Variants in MTUS2 observed in about 807,000 individuals in gnomAD.
MTUS2 encodes the protein microtubule-associated tumor suppressor candidate 2.
In MTUS2, 40 loss-of-function variants were observed where a neutral mutation model predicts 114.1. The ratio of observed to expected loss-of-function variants is 0.35; its 90% confidence interval spans 0.27 to 0.46. The LOEUF is 0.46. MTUS2 is among the 20% of genes least tolerant of loss of function. The pLI is 1.00. For missense variants in MTUS2, 1,679 were observed against 1,705.4 expected, an observed-to-expected ratio of 0.98 and a Z score of 0.27; for synonymous variants, 688 against 672.0, an observed-to-expected ratio of 1.02 and a Z score of -0.37.
intron 5 of MTUS2, among the ~76,000 whole-genome samples, chr13:29,120,586 A>C (rs1891267751): frequency 6.6e-6 from 1 of 152,144 alleles, no homozygotes; most frequent in Admixed American, 6.5e-5. Context: ...GAAAAGAAAA[A>C]AGAATTTTTT....
intron 5 of MTUS2, among the ~76,000 whole-genome samples, chr13:29,219,459 A>C (rs908424167): frequency 8.5e-5 from 13 of 152,048 alleles, no homozygotes; most frequent in African/African-American, 3.1e-4. Flanking sequence ...TTATAGCAGC[A>C]TGATTTATAG....
intron 2 of MTUS2, among the ~76,000 whole-genome samples, chr13:28,975,144 A>T (rs1293100705): frequency 6.6e-6 from 1 of 152,234 alleles, no homozygotes; most frequent in Admixed American, 6.5e-5. Flanking sequence ...AGGCAGCCCG[A>T]TTGGATCCAT....
intron 2 of MTUS2, among the ~76,000 whole-genome samples, chr13:28,882,794 C>A (rs1370839194): frequency 6.6e-6 from 1 of 151,606 alleles, no homozygotes; most frequent in Non-Finnish European, 1.5e-5. Flanking sequence ...CAAAAGACGT[C>A]ATAAAAAAAT....
chr13:29,160,769 C>CA (rs71090227), intron 5 of MTUS2, among the ~76,000 whole-genome samples: 1,565 of 118,956 alleles, frequency 0.013, 12 homozygotes, highest in South Asian at 0.033. Flanking sequence ...GACTCCGTCT[C>CA]AAAAAAAAAA....
intron 8 of MTUS2, among the ~76,000 whole-genome samples, chr13:29,432,963 G>A (rs1166315137): frequency 6.6e-6 from 1 of 152,230 alleles, no homozygotes; most frequent in Non-Finnish European, 1.5e-5. Flanking sequence ...ATTAGAGGAA[G>A]ATAGAATCCA....
chr13:29,181,810 G>C (rs904329049), intron 5 of MTUS2, among the ~76,000 whole-genome samples: 1 of 151,864 alleles, frequency 6.6e-6, no homozygotes, highest in African/African-American at 2.4e-5. Flanking sequence ...GTGTGTGTGT[G>C]TGTGTGTGTG....
chr13:29,434,899 C>G (rs147431815), intron 8 of MTUS2, among the ~76,000 whole-genome samples: 17 of 152,290 alleles, frequency 1.1e-4, no homozygotes, highest in Non-Finnish European at 2.1e-4. Context: ...AATATCCCCG[C>G]GAGTTTGCAA....
rs571668679 is a variant in MTUS2 at position 29,195,193 on chromosome 13, T to C, written c.2645-86511T>C. On this transcript the variant is annotated intron_variant, in intron 5 of 15. Coordinates refer to ENST00000612955, the MANE Select transcript of MTUS2 (RefSeq NM_001033602.4). Reference sequence around the variant, plus strand: ...CACCAGCATGGCACATGTATACATATGTAACTAACCTGCACATTGTGCACA... The same window carrying C: ...CACCAGCATGGCACATGTATACATACGTAACTAACCTGCACATTGTGCACA... Among the ~76,000 whole-genome samples the C allele has an allele frequency of 6.7e-3, 1,014 of 151,428 alleles. 12 individuals carry two copies. Among genetic ancestry groups the C allele is most frequent in the African/African-American group, 0.023 (938 of 41,316 alleles).
At chr13:28,954,150 T>C (rs904062931) in intron 2 of MTUS2, among the ~76,000 whole-genome samples, 7 of 152,146 alleles carry the variant, frequency 4.6e-5, no homozygotes, top group Non-Finnish European at 7.4e-5. Context: ...ATTTGCAGAG[T>C]GTGTTCATTT....
chr13:29,087,571 T>G (rs562997116), intron 4 of MTUS2, among the ~76,000 whole-genome samples: 7 of 152,236 alleles, frequency 4.6e-5, no homozygotes, highest in Non-Finnish European at 8.8e-5. Flanking sequence ...TCTTTTTTCA[T>G]GTGTCTCTGT....
At chr13:29,266,527 A>G (rs932975292) in intron 5 of MTUS2, among the ~76,000 whole-genome samples, 2 of 152,148 alleles carry the variant, frequency 1.3e-5, no homozygotes, top group African/African-American at 2.4e-5. Flanking sequence ...CCCCCCACAC[A>G]CCAAATAAAA....
chr13:29,499,176 A>G (rs1882735829), intron 14 of MTUS2, among the ~76,000 whole-genome samples: 1 of 152,192 alleles, frequency 6.6e-6, no homozygotes, highest in Admixed American at 6.5e-5. Flanking sequence ...TTCAGTCCAG[A>G]ACAGAGTCCT....
chr13:29,465,067 T>C (rs971425411), intron 9 of MTUS2, among the ~76,000 whole-genome samples: 4 of 152,178 alleles, frequency 2.6e-5, no homozygotes, highest in Admixed American at 6.5e-5. Context: ...TCACACCTAC[T>C]TCACAGAACT....
At chr13:29,408,166 C>A (rs754846562) in intron 8 of MTUS2, among the ~76,000 whole-genome samples, 10 of 151,926 alleles carry the variant, frequency 6.6e-5, no homozygotes, top group Non-Finnish European at 1.3e-4. Context: ...AACTAAACTT[C>A]TAATTTTAAC....
intron 6 of MTUS2, among the ~76,000 whole-genome samples, chr13:29,304,977 A>T (rs771049845): frequency 2.6e-5 from 4 of 152,232 alleles, no homozygotes; most frequent in Admixed American, 6.5e-5. Flanking sequence ...TTCAAGATTA[A>T]GAAACTCACT....
rs544825670 is a variant in MTUS2, at chr13:29,069,971, C to A, written c.2447-30802C>A. Among the ~76,000 whole-genome samples, 3 of 152,288 alleles carry A rather than the reference C, an allele frequency of 2.0e-5. No homozygotes were observed. The East Asian group carries it at 5.8e-4, about 29-fold the overall frequency. On this transcript the variant is annotated intron_variant, in intron 4 of 15. Coordinates refer to ENST00000612955, the MANE Select transcript of MTUS2 (RefSeq NM_001033602.4). ...TTTTATAACAAAAAGGGGATGTATC[C>A]TATTTTCTACACTCTTCCCTTCATT...
chr13:28,841,155 A>T (rs1875455021), intron 2 of MTUS2, among the ~76,000 whole-genome samples: 1 of 152,176 alleles, frequency 6.6e-6, no homozygotes, highest in Non-Finnish European at 1.5e-5. Flanking sequence ...TTACTTACAA[A>T]TTTTTGTAAT....
chr13:28,909,838 A>T (rs532768344), intron 2 of MTUS2, among the ~76,000 whole-genome samples: 18 of 152,232 alleles, frequency 1.2e-4, no homozygotes, highest in African/African-American at 4.3e-4. Flanking sequence ...AAGTCTCACG[A>T]TACAAAATCA....
chr13:29,336,593 T>C (rs1901076740), intron 7 of MTUS2, among the ~76,000 whole-genome samples: 1 of 152,148 alleles, frequency 6.6e-6, no homozygotes, highest in African/African-American at 2.4e-5. Context: ...TGCTGGGAGG[T>C]ATCTCCCAGT....
Sources: gnomAD v4.1 joint callset for allele counts (sites outside exome capture counted in the v4.1 genomes callset) on GRCh38, gnomAD v4.1.1 for gene constraint, MANE v1.5 for transcripts, NCBI Gene and HGNC (gene_info 2026-07-23, HGNC 2026-07-21) for gene names.